The following TRIM63 variants were observed in gnomAD, a reference collection of about 807,000 sequenced individuals.
TRIM63 encodes the protein E3 ubiquitin-protein ligase TRIM63.
Under a neutral mutation model 46.0 loss-of-function variants are expected in TRIM63, and 48 were observed. The observed-to-expected ratio is 1.04, with a 90% CI of 0.83 to 1.33. The LOEUF is 1.33. Ranked by LOEUF, TRIM63 falls within the 40% of genes most tolerant of loss-of-function variation. TRIM63 has a pLI of 0.00. For missense variants in TRIM63, 455 were observed against 441.2 expected, an observed-to-expected ratio of 1.03 and a Z score of -0.28; for synonymous variants, 175 against 162.8, an observed-to-expected ratio of 1.08 and a Z score of -0.57.
chr1:26,057,365 C>T, intron 6 of TRIM63, 38 bp from the exon 7 acceptor site: 1 of 1,611,542 alleles, frequency 6.2e-7, no homozygotes, highest in Non-Finnish European at 8.5e-7. Context: ...GATGAGGTCT[C>T]TGGGGCTCAG....
rs1228845969 is a variant in TRIM63, at chr1:26,057,215, C to T, written c.967G>A (p.Asp323Asn). 1.2e-6 allele frequency: 2 copies of T among 1,614,150 alleles called. No homozygotes were observed. The highest frequency in any genetic ancestry group is 2.7e-5 in the African/African-American group (2 of 75,042). Reference protein sequence around the residue: ...EHIADALRAIDFGTDEEEEEF... With the variant: ...EHIADALRAINFGTDEEEEEF... ...CCACCTCCTTTACCTGTCCCAAAGT[C>T]AATGGCTCTCAGGGCGTCTGCTATG... Residue 323 changes from aspartate to asparagine, a missense_variant, in exon 7 of 9, where the codon GAC becomes AAC. Asp to Asn is a conservative substitution (Grantham distance 23, BLOSUM62 1). Coordinates refer to ENST00000374272, the MANE Select transcript of TRIM63 (RefSeq NM_032588.4).
At chr1:26,059,271 C>A (rs1263691790) in intron 4 of TRIM63, among the ~76,000 whole-genome samples, 1 of 152,130 alleles carries the variant, frequency 6.6e-6, no homozygotes, top group African/African-American at 2.4e-5. Flanking sequence ...ATCCACCCAG[C>A]TTGACCTCCC....
At chr1:26,059,069 C>T (rs956803092) in intron 4 of TRIM63, among the ~76,000 whole-genome samples, 9 of 150,378 alleles carry the variant, frequency 6.0e-5, no homozygotes, top group East Asian at 3.9e-4. Flanking sequence ...CTGTTGCCCC[C>T]GCTGGAGTGC....
Position 26,053,964 on chromosome 1 carries a change from T to C in TRIM63, c.980A>G (p.Asp327Gly). 6.3e-7 allele frequency: 1 copy of C among 1,580,448 alleles called. No individual in the cohort carries two copies. Among genetic ancestry groups the C allele is most frequent in the South Asian group, 1.2e-5 (1 of 86,086 alleles). The change falls in exon 8 of 9, where the codon GAT (aspartate) becomes GGT (glycine). Residue 327 changes from aspartate (D) to glycine (G), a missense_variant and splice_region_variant. Asp to Gly is a moderately conservative substitution (Grantham distance 94, BLOSUM62 -1). Coordinates refer to ENST00000374272, the MANE Select transcript of TRIM63 (RefSeq NM_032588.4). ...TTCAATGAATTCTTCCTCTTCCTCA[T>C]CTGTGACAAAAAAACATTTGTGTTA... ...DALRAIDFGT[D>G]EEEEEFIEEE...
chr1:26,065,726 C>A (rs1002046592), intron 2 of TRIM63, among the ~76,000 whole-genome samples: 6 of 152,220 alleles, frequency 3.9e-5, no homozygotes, highest in African/African-American at 1.4e-4. Context: ...GGTCAACTCC[C>A]AGCTCTTTCA....
intron 2 of TRIM63, among the ~76,000 whole-genome samples, chr1:26,064,422 C>G (rs962446915): frequency 3.3e-5 from 5 of 151,634 alleles, no homozygotes; most frequent in Admixed American, 3.3e-4. Context: ...CAGACCAAGA[C>G]TCTGCCTCAA....
intron 4 of TRIM63, among the ~76,000 whole-genome samples, 163 bp downstream of exon 4, chr1:26,060,103 A>T (rs1034933273): frequency 2.6e-5 from 4 of 152,074 alleles, no homozygotes; most frequent in African/African-American, 9.7e-5. Flanking sequence ...GCATTTGTTG[A>T]GAGACTGGAT....
At position 26,051,785 on chromosome 1, in the gene TRIM63, C is replaced by G; in HGVS notation, c.*88G>C. ...CCCCTCCAGGGGCCCCGACCCCTCCCACCCTGGGCCTGTCACCAAGGCCGC... is the reference window on the plus strand; with the variant it reads ...CCCCTCCAGGGGCCCCGACCCCTCCGACCCTGGGCCTGTCACCAAGGCCGC... On this transcript the variant is annotated 3_prime_UTR_variant, in exon 9 of 9. Transcript: ENST00000374272. 1.4e-6 allele frequency: 1 copy of G among 723,236 alleles called. No homozygotes were observed. Among genetic ancestry groups the G allele is most frequent in the South Asian group, 5.1e-5 (1 of 19,764 alleles). The allele number at this position is 723,236 out of a possible 1,614,324, so 44.8% of individuals were successfully genotyped here.
At position 26,051,876 on chromosome 1, in the gene TRIM63, C is replaced by A; in HGVS notation, c.1059G>T (p.Gln353His). The stretch of plus-strand genomic sequence containing the variant: ...GGCCTCTCATTCATCCAGCTCCTTA[C>A]TGGTGTCCTGAAATGAAGAAAAAGA... ...ESTEGKEEGH[Q>H] Residue 353 changes from glutamine (Q) to histidine (H), a missense_variant, in exon 9 of 9, where the codon CAG becomes CAT. Transcript: ENST00000374272. 1 of 1,251,682 alleles carries A rather than the reference C, an allele frequency of 8.0e-7. No homozygotes were observed. The highest frequency in any genetic ancestry group is 1.0e-6 in the Non-Finnish European group (1 of 982,016). 77.5% of individuals were successfully genotyped at this position (1,251,682 alleles called of 1,614,324 possible). A position where few individuals can be genotyped will look rare whatever the true frequency, so the allele number is the denominator to read the frequency against.
chr1:26,061,849 A>G (rs1162412642), intron 2 of TRIM63, among the ~76,000 whole-genome samples: 1 of 152,316 alleles, frequency 6.6e-6, no homozygotes, highest in East Asian at 1.9e-4. Context: ...ATTTAATTCT[A>G]TATTTAATCT....
intron 1 of TRIM63, 69 bp downstream of exon 1, chr1:26,067,267 A>T: frequency 6.4e-7 from 1 of 1,572,734 alleles, no homozygotes; most frequent in Non-Finnish European, 8.6e-7. Context: ...TCTAAGGGAG[A>T]AGGGTTTCAT....
chr1:26,061,411 G>A (rs1269109514), intron 2 of TRIM63, 77 bp from the exon 3 acceptor site: 14 of 1,498,132 alleles, frequency 9.3e-6, no homozygotes, highest in African/African-American at 4.1e-5. Context: ...TGCACCAGTC[G>A]CAGCTACTGG....
At chr1:26,065,640 C>T (rs2050670504) in intron 2 of TRIM63, among the ~76,000 whole-genome samples, 1 of 152,206 alleles carries the variant, frequency 6.6e-6, no homozygotes, top group African/African-American at 2.4e-5. Context: ...CCCTTCACAA[C>T]CTCCACCACT....
rs1026816873 is a variant in TRIM63, at chr1:26,054,046, C to G, written c.980-82G>C. On this transcript the variant is annotated intron_variant, in intron 7 of 8. Coordinates refer to ENST00000374272, the MANE Select transcript of TRIM63 (RefSeq NM_032588.4). ...AAGAGGAACCAGGCAAGAGAGAGCACGGTCTAAACCCCTTCCTGTGCCCAG... is the reference window on the plus strand; with the variant it reads ...AAGAGGAACCAGGCAAGAGAGAGCAGGGTCTAAACCCCTTCCTGTGCCCAG... 7.3e-6 allele frequency: 7 copies of G among 962,562 alleles called. No individual in the cohort carries two copies. The African/African-American group carries it at 1.2e-4, about 16-fold the overall frequency. 59.6% of individuals were successfully genotyped at this position (962,562 alleles called of 1,614,324 possible). A position where few individuals can be genotyped will look rare whatever the true frequency, so the allele number is the denominator to read the frequency against.
At chr1:26,055,648 A>G (rs1211212366) in intron 7 of TRIM63, among the ~76,000 whole-genome samples, 2 of 151,594 alleles carry the variant, frequency 1.3e-5, no homozygotes, top group South Asian at 4.2e-4. Context: ...GTTAGCTGGG[A>G]TTACAGGCAT....
At chr1:26,057,548 A>G (rs1409961404) in intron 6 of TRIM63, 80 bp downstream of exon 6, 3 of 1,519,204 alleles carry the variant, frequency 2.0e-6, no homozygotes, top group Non-Finnish European at 2.7e-6. Flanking sequence ...AGCAGGCCTA[A>G]TGCCCAGGAT....
Position 26,061,192 on chromosome 1 carries a change from A to G in TRIM63, c.475T>C (p.Leu159=), listed in dbSNP as rs369751952. Residue 159 remains leucine, a synonymous_variant, in exon 3 of 9, where the codon TTG becomes CTG. Transcript: ENST00000374272. ...TTTTGTCCCTGGAAGACACTCTGCAATGGGGCCACCTCGCAGGCCTTGTGG... is the reference window on the plus strand; with the variant it reads ...TTTTGTCCCTGGAAGACACTCTGCAGTGGGGCCACCTCGCAGGCCTTGTGG... ...GIHKACEVAP[L]QSVFQGQKTE... The G allele has an allele frequency of 8.4e-5, 135 of 1,614,100 alleles. No individual in the cohort carries two copies. Among genetic ancestry groups the G allele is most frequent in the African/African-American group, 2.0e-4 (15 of 75,040 alleles).
chr1:26,064,917 G>A (rs915177362), intron 2 of TRIM63, among the ~76,000 whole-genome samples: 2 of 152,202 alleles, frequency 1.3e-5, no homozygotes, highest in South Asian at 2.1e-4. Flanking sequence ...GGACCTTAAA[G>A]GCTGTGAGGT....
rs1012147630 is a variant in TRIM63, at chr1:26,053,787, A to C, written c.1051+106T>G. The C allele has an allele frequency of 4.7e-6, 4 of 848,916 alleles. No homozygotes were observed. In the African/African-American group the frequency reaches 5.2e-5, roughly 11 times the overall value. The allele number at this position is 848,916 out of a possible 1,614,324, so 52.6% of individuals were successfully genotyped here. The stretch of plus-strand genomic sequence containing the variant: ...AAAGCACGTGCTGGGGACAGTTCTG[A>C]GCGTCATTGCCAATGTCTAACACAG... On this transcript the variant is annotated intron_variant, in intron 8 of 8. Coordinates refer to ENST00000374272, the MANE Select transcript of TRIM63 (RefSeq NM_032588.4).
Sources: gnomAD v4.1 joint callset for allele counts (sites outside exome capture counted in the v4.1 genomes callset) on GRCh38, gnomAD v4.1.1 for gene constraint, MANE v1.5 for transcripts, NCBI Gene and HGNC (gene_info 2026-07-23, HGNC 2026-07-21) for gene names.